The following TMEM255B variants were observed in gnomAD, a reference collection of about 807,000 sequenced individuals.
The protein encoded by TMEM255B is transmembrane protein 255B.
A neutral mutation model predicts 34.5 loss-of-function variants in TMEM255B; 35 were observed. The observed-to-expected ratio is 1.01, with a 90% CI of 0.77 to 1.34. TMEM255B has a LOEUF of 1.34. Among genes scored for constraint, TMEM255B ranks in the 40% most tolerant of loss-of-function variants. The pLI is 0.00. For missense variants in TMEM255B, 432 were observed against 433.2 expected (o/e 1.00, Z 0.02); for synonymous variants, 206 against 201.2 (o/e 1.02, Z -0.20).
chr13:113,759,845 C>T (rs917644102), intron 1 of TMEM255B, among the ~76,000 whole-genome samples: 13 of 152,176 alleles, frequency 8.5e-5, no homozygotes, highest in Non-Finnish European at 1.6e-4. Flanking sequence ...CGTGTTTCTC[C>T]CCGGTGTGTT....
At position 113,814,806 on chromosome 13, in the gene TMEM255B, GGTCA is replaced by G. The variant is rs555928158; in HGVS notation, c.*2906_*2909del. ...TCACTTGGTTCCCATGCACAGCCGA[GGTCA>G]GTGAGACCCTGGAGGCCGCGGGAGA... On this transcript the variant is annotated 3_prime_UTR_variant, in exon 9 of 9. Coordinates refer to ENST00000375353, the MANE Select transcript of TMEM255B (RefSeq NM_182614.4). The G allele has an allele frequency of 1.7e-4, 25 of 151,444 alleles. No individual in the cohort carries two copies. Among genetic ancestry groups the G allele is most frequent in the African/African-American group, 4.6e-4 (19 of 41,280 alleles). 9.4% of individuals were successfully genotyped at this position (151,444 alleles called of 1,614,324 possible). A position where few individuals can be genotyped will look rare whatever the true frequency, so the allele number is the denominator to read the frequency against.
At position 113,801,653 on chromosome 13, in the gene TMEM255B, C is replaced by T. The variant is rs147473310; in HGVS notation, c.510C>T (p.Ser170=). ...CYCCDLYACG[S]AEPSPAYYEF... Reference sequence around the variant, plus strand: ...ACGCCATGGTGCCCTCTCTGTGCAGCGCAGAGCCCTCGCCCGCCTACTATG... The same window carrying T: ...ACGCCATGGTGCCCTCTCTGTGCAGTGCAGAGCCCTCGCCCGCCTACTATG... The change falls in exon 7 of 9, where the codon AGC becomes AGT. Residue 170 remains serine (S), a splice_region_variant and synonymous_variant. Transcript: ENST00000375353. The T allele has an allele frequency of 6.0e-5, 96 of 1,604,974 alleles. No homozygotes were observed. Among genetic ancestry groups the T allele is most frequent in the Middle Eastern group, 1.7e-4 (1 of 6,020 alleles).
At chr13:113,807,843 G>A (rs541758217) in intron 8 of TMEM255B, among the ~76,000 whole-genome samples, 28 of 151,172 alleles carry the variant, frequency 1.9e-4, no homozygotes, top group South Asian at 1.5e-3. Context: ...GGTCCTCCCC[G>A]TCACACGCGG....
In TMEM255B at chr13:113,777,558, C is replaced by T. The variant is rs2050599799; in HGVS notation, c.252+8398C>T. On this transcript the variant is annotated intron_variant, in intron 3 of 8. Transcript: ENST00000375353. ...CAGCTCCCCCAGCGCTGTGCTGACT[C>T]TAGACTCAGCCCAGAAGGCAGGGAC... Among the ~76,000 whole-genome samples the T allele has an allele frequency of 3.3e-5, 5 of 152,358 alleles. No homozygotes were observed. The South Asian group carries it at 1.0e-3, about 32-fold the overall frequency.
chr13:113,774,055 G>C (rs930739289), intron 3 of TMEM255B, among the ~76,000 whole-genome samples: 1 of 151,952 alleles, frequency 6.6e-6, no homozygotes, highest in African/African-American at 2.4e-5. Context: ...CACATACAAG[G>C]GTGAAGAAAA....
rs138163908 is a variant in TMEM255B, at chr13:113,800,070, G to A, written c.423+651G>A. On this transcript the variant is annotated intron_variant, in intron 5 of 8. Coordinates refer to ENST00000375353, the MANE Select transcript of TMEM255B (RefSeq NM_182614.4). ...GCAGCTGCCGGGAGGCATCGTGTGT[G>A]TGTGTGTGTTTATGTGTGTGTGTGT... 5.0e-4 allele frequency: 597 copies of A among 1,200,994 alleles called. 6 individuals are homozygous for A. The East Asian group carries it at 0.029, about 58-fold the overall frequency. 74.4% of individuals were successfully genotyped at this position (1,200,994 alleles called of 1,614,324 possible). A position where few individuals can be genotyped will look rare whatever the true frequency, so the allele number is the denominator to read the frequency against.
chr13:113,812,995 A>ACAGGTCC lies in TMEM255B; in HGVS notation c.*1093_*1094insAGGTCCC, dbSNP rs2051355639. 1.4e-5 allele frequency: 2 copies of ACAGGTCC among 138,416 alleles called. No homozygotes were observed. The highest frequency in any genetic ancestry group is 6.9e-5 in the Admixed American group (1 of 14,456). 8.6% of individuals were successfully genotyped at this position (138,416 alleles called of 1,614,324 possible). A position where few individuals can be genotyped will look rare whatever the true frequency, so the allele number is the denominator to read the frequency against. On this transcript the variant is annotated 3_prime_UTR_variant, in exon 9 of 9. Coordinates refer to ENST00000375353, the MANE Select transcript of TMEM255B (RefSeq NM_182614.4). ...GTGGGTCACGGGTCCCGGGTGGGTC[A>ACAGGTCC]CGGGTCCCGAGTGGGTCACGGGTCC...
intron 3 of TMEM255B, among the ~76,000 whole-genome samples, chr13:113,782,684 C>A (rs574349125): frequency 7.3e-6 from 1 of 137,264 alleles, no homozygotes; most frequent in African/African-American, 2.5e-5. Flanking sequence ...GAGGGGGGGG[C>A]TTCATTATGA....
intron 3 of TMEM255B, among the ~76,000 whole-genome samples, chr13:113,778,819 C>T (rs1380766775): frequency 6.6e-6 from 1 of 152,194 alleles, no homozygotes; most frequent in Non-Finnish European, 1.5e-5. Flanking sequence ...CTGGGCAGGG[C>T]CTCCACTGAC....
chr13:113,808,911 G>T (rs1347565466), intron 8 of TMEM255B, among the ~76,000 whole-genome samples: 1 of 147,040 alleles, frequency 6.8e-6, no homozygotes, highest in Non-Finnish European at 1.5e-5. Flanking sequence ...GTTCCTGGGG[G>T]TTTACTCTGT....
intron 3 of TMEM255B, among the ~76,000 whole-genome samples, chr13:113,771,210 T>C (rs940637101): frequency 7.6e-4 from 115 of 152,120 alleles, no homozygotes; most frequent in Middle Eastern, 3.2e-3. Context: ...AGATTCCTAC[T>C]CTGGGCCTGC....
chr13:113,762,699 T>C (rs1358605872), intron 1 of TMEM255B, among the ~76,000 whole-genome samples: 2 of 152,204 alleles, frequency 1.3e-5, no homozygotes, highest in African/African-American at 4.8e-5. Flanking sequence ...CCACTCTTCA[T>C]GCCAAGGAAC....
rs1414721307 is a variant in TMEM255B at position 113,795,238 on chromosome 13, G to C, written c.342+1G>C. On this transcript the variant is annotated splice_donor_variant, in intron 4 of 8. Transcript: ENST00000375353. LOFTEE classifies it high-confidence loss of function. ...CGGCGTATTTGCAGCACAGCACATT[G>C]TGAGTACATTGTCATTGTGTGCACA... 1 of 1,613,428 alleles carries C rather than the reference G, an allele frequency of 6.2e-7. No homozygotes were observed.
chr13:113,771,251 C>G (rs1258798707), intron 3 of TMEM255B, among the ~76,000 whole-genome samples: 3 of 152,158 alleles, frequency 2.0e-5, no homozygotes, highest in Admixed American at 2.0e-4. Flanking sequence ...GATATGTGTT[C>G]TCTGTAGATT....
In TMEM255B at chr13:113,769,058, G is replaced by A. The variant is rs576316015; in HGVS notation, c.190-40G>A. On this transcript the variant is annotated intron_variant, in intron 2 of 8. Coordinates refer to ENST00000375353, the MANE Select transcript of TMEM255B (RefSeq NM_182614.4). The surrounding 1 kb of genome is among the most constrained non-coding windows in gnomAD (Gnocchi z 4.2). ...ATGTCAGTGTTAAGCTTCTAGGCAC[G>A]TTAATGAGTGTTTCTCTCTCGTTCT... 194 of 1,609,610 alleles carry A rather than the reference G, an allele frequency of 1.2e-4. No individual in the cohort carries two copies. The South Asian group carries it at 1.7e-3, about 15-fold the overall frequency.
chr13:113,775,046 CACACA>C (rs2050549582), intron 3 of TMEM255B, among the ~76,000 whole-genome samples: 2 of 92,798 alleles, frequency 2.2e-5, no homozygotes, highest in South Asian at 6.1e-4. Flanking sequence ...ACACATTGCA[CACACA>C]ACACACCACA....
At chr13:113,782,168 T>C (rs902309406) in intron 3 of TMEM255B, among the ~76,000 whole-genome samples, 1 of 152,216 alleles carries the variant, frequency 6.6e-6, no homozygotes, top group Admixed American at 6.5e-5. Flanking sequence ...TTTGTAACTT[T>C]CTTTATATCT....
intron 3 of TMEM255B, among the ~76,000 whole-genome samples, chr13:113,772,957 A>G (rs1229779260): frequency 6.6e-6 from 1 of 152,194 alleles, no homozygotes; most frequent in Non-Finnish European, 1.5e-5. Flanking sequence ...GGATTCTGGT[A>G]GGGATGTGCT....
At chr13:113,762,999 A>G (rs539729144) in intron 1 of TMEM255B, among the ~76,000 whole-genome samples, 11 of 152,358 alleles carry the variant, frequency 7.2e-5, no homozygotes, top group African/African-American at 2.6e-4. Flanking sequence ...TGCTCTTAAA[A>G]TACATTTAAA....
Sources: gnomAD v4.1 joint callset for allele counts (sites outside exome capture counted in the v4.1 genomes callset) on GRCh38, gnomAD v4.1.1 for gene constraint, Gnocchi (gnomAD v3.1) non-coding constraint, MANE v1.5 for transcripts, NCBI Gene and HGNC (gene_info 2026-07-23, HGNC 2026-07-21) for gene names.